The following KMO variants were observed in gnomAD, a reference collection of about 807,000 sequenced individuals.
KMO encodes the protein kynurenine 3-monooxygenase, also known as kynurenine 3-hydroxylase.
A neutral mutation model predicts 57.8 loss-of-function variants in KMO; 24 were observed. The observed-to-expected ratio is 0.42, with a 90% CI of 0.30 to 0.58. The LOEUF is 0.58. Ranked by LOEUF, KMO falls within the 20% of genes least tolerant of loss-of-function variation. The pLI is 0.22. For missense variants in KMO, 483 were observed against 588.2 expected (o/e 0.82, Z 1.85); for synonymous variants, 210 against 193.6 (o/e 1.08, Z -0.70).
chr1:241,560,280 T>C (rs577422468), intron 5 of KMO, among the ~76,000 whole-genome samples: 1 of 152,272 alleles, frequency 6.6e-6, no homozygotes, highest in South Asian at 2.1e-4. Context: ...GAGACATGCG[T>C]AATATGAGGA....
At chr1:241,563,180 C>G (rs1661943264) in intron 7 of KMO, among the ~76,000 whole-genome samples, 1 of 152,042 alleles carries the variant, frequency 6.6e-6, no homozygotes, top group Non-Finnish European at 1.5e-5. Flanking sequence ...TTTCTCATTT[C>G]CTGGTTAAAC....
chr1:241,540,824 G>C lies in KMO; in HGVS notation c.55-8005G>C, dbSNP rs551810424. 3.3e-5 allele frequency among the ~76,000 whole-genome samples: 5 copies of C among 152,222 alleles called. No individual in the cohort carries two copies. The South Asian group carries it at 1.0e-3, about 32-fold the overall frequency. On this transcript the variant is annotated intron_variant, in intron 1 of 14. Transcript: ENST00000366559. The stretch of plus-strand genomic sequence containing the variant: ...CATGCCTATAATCTCAGCTGTTTGG[G>C]GGGCCGAGGCAGAAGGATCACATGA...
intron 5 of KMO, among the ~76,000 whole-genome samples, 189 bp from the exon 6 acceptor site, chr1:241,560,476 A>G (rs1247508305): frequency 1.2e-4 from 18 of 152,242 alleles, no homozygotes; most frequent in Admixed American, 1.2e-3. Flanking sequence ...CATCTGTTTT[A>G]CTACCAAATT....
rs551960063 is a variant in KMO at position 241,572,597 on chromosome 1, G to A, written c.957+3950G>A. The stretch of plus-strand genomic sequence containing the variant: ...GCTCTGATCTTTATTATTTTTTAAA[G>A]AAACTTTAAAAAATTCCTATTGAGA... On this transcript the variant is annotated intron_variant, in intron 10 of 14. Transcript: ENST00000366559. 1.5e-3 allele frequency among the ~76,000 whole-genome samples: 225 copies of A among 151,964 alleles called. 2 individuals are homozygous for A. The highest frequency in any genetic ancestry group is 2.6e-3 in the Non-Finnish European group (177 of 67,952).
intron 2 of KMO, 81 bp downstream of exon 2, chr1:241,548,979 G>C: frequency 1.1e-6 from 1 of 874,460 alleles, no homozygotes; most frequent in Non-Finnish European, 1.9e-6. Context: ...CACATGGATC[G>C]CTTGAGGCCG....
intron 10 of KMO, among the ~76,000 whole-genome samples, chr1:241,574,962 T>C (rs1662450715): frequency 6.6e-6 from 1 of 152,064 alleles, no homozygotes; most frequent in African/African-American, 2.4e-5. Flanking sequence ...ATTGGTCCAT[T>C]CAAGGTTTCT....
In KMO at chr1:241,594,616, C is replaced by T. The variant is rs1212111499; in HGVS notation, c.*2463C>T. 4 of 1,613,986 alleles carry T rather than the reference C, an allele frequency of 2.5e-6. No individual in the cohort carries two copies. Among genetic ancestry groups the T allele is most frequent in the Non-Finnish European group, 3.4e-6 (4 of 1,179,990 alleles). On this transcript the variant is annotated 3_prime_UTR_variant, in exon 15 of 15. Transcript: ENST00000366559. ...GGTCTGATCTGCATTTCACTTCCAG[C>T]TGCTGGTAGGTCTTTAGCAGGCCTC...
chr1:241,588,024 C>T (rs1218198007), intron 11 of KMO, among the ~76,000 whole-genome samples: 2 of 152,234 alleles, frequency 1.3e-5, no homozygotes, highest in East Asian at 3.9e-4. Flanking sequence ...AGAGAACTGG[C>T]CTTAAACTTA....
At chr1:241,572,707 A>G (rs940882985) in intron 10 of KMO, among the ~76,000 whole-genome samples, 2 of 152,082 alleles carry the variant, frequency 1.3e-5, no homozygotes, top group African/African-American at 2.4e-5. Context: ...AACAAATTAT[A>G]TAGTGGTGAA....
At chr1:241,563,893 A>G (rs2147962958) in intron 7 of KMO, among the ~76,000 whole-genome samples, 1 of 151,832 alleles carries the variant, frequency 6.6e-6, no homozygotes, top group Admixed American at 6.6e-5. Flanking sequence ...AGACACTTGC[A>G]CTCTTCTGAT....
rs1663454143 is a variant in KMO, at chr1:241,594,928, C to A, written c.*2775C>A. The A allele has an allele frequency of 8.8e-6, 4 of 456,926 alleles. No individual in the cohort carries two copies. In the East Asian group the frequency reaches 1.1e-4, roughly 13 times the overall value. The allele number at this position is 456,926 out of a possible 1,614,324, so 28.3% of individuals were successfully genotyped here. ...TAGGACCATTTCAATACCTTGTAAT[C>A]CTCCAAGCTTCAATCTGCACACACT... On this transcript the variant is annotated 3_prime_UTR_variant, in exon 15 of 15. Coordinates refer to ENST00000366559, the MANE Select transcript of KMO (RefSeq NM_003679.5).
chr1:241,542,188 T>C (rs1329167687), intron 1 of KMO, among the ~76,000 whole-genome samples: 1 of 152,188 alleles, frequency 6.6e-6, no homozygotes, highest in Non-Finnish European at 1.5e-5. Context: ...AGTTTTCTCA[T>C]GATCATTGGC....
At chr1:241,556,515 C>T (rs1322509222) in intron 5 of KMO, among the ~76,000 whole-genome samples, 2 of 152,286 alleles carry the variant, frequency 1.3e-5, no homozygotes, top group African/African-American at 2.4e-5. Context: ...TGAGTGTTCA[C>T]GCTGATGAAG....
chr1:241,532,568 T>C, intron 1 of KMO, 70 bp downstream of exon 1: 1 of 1,120,210 alleles, frequency 8.9e-7, no homozygotes, highest in East Asian at 2.6e-5. Context: ...TAATGATTAT[T>C]ATTCGTCACT....
chr1:241,555,887 A>T, intron 5 of KMO: 1 of 370,578 alleles, frequency 2.7e-6, no homozygotes, highest in South Asian at 7.5e-5. Context: ...GGAATTTGAG[A>T]CCCGCCTGGG....
chr1:241,581,289 A>G (rs1662741022), intron 10 of KMO, among the ~76,000 whole-genome samples: 1 of 151,960 alleles, frequency 6.6e-6, no homozygotes, highest in Non-Finnish European at 1.5e-5. Flanking sequence ...CAACTGCTCT[A>G]TGTATTTTTA....
In KMO at chr1:241,586,743, A is replaced by C; in HGVS notation, c.1015+7A>C. ...AAATTCAGTAACGACCTTAGTAAGT[A>C]AGGTCAATTTCTCAACTGGACATGT... On this transcript the variant is annotated splice_region_variant and intron_variant, in intron 11 of 14. Transcript: ENST00000366559. The C allele has an allele frequency of 6.3e-7, 1 of 1,596,566 alleles. No homozygotes were observed. The highest frequency in any genetic ancestry group is 8.5e-7 in the Non-Finnish European group (1 of 1,170,874).
chr1:241,539,572 A>G (rs768033887), intron 1 of KMO, among the ~76,000 whole-genome samples: 1 of 152,226 alleles, frequency 6.6e-6, no homozygotes. Flanking sequence ...CTGAAATGAT[A>G]TTGCCCCAGT....
intron 10 of KMO, among the ~76,000 whole-genome samples, chr1:241,568,883 T>G (rs1662176901): frequency 6.6e-6 from 1 of 152,130 alleles, no homozygotes; most frequent in African/African-American, 2.4e-5. Flanking sequence ...CATCCCTTGG[T>G]ATCACCAAGG....
Sources: gnomAD v4.1 joint callset for allele counts (sites outside exome capture counted in the v4.1 genomes callset) on GRCh38, gnomAD v4.1.1 for gene constraint, MANE v1.5 for transcripts, NCBI Gene and HGNC (gene_info 2026-07-23, HGNC 2026-07-21) for gene names.